OPCML: variants seen among roughly 807,000 people sequenced by gnomAD.
OPCML encodes the protein opioid binding protein/cell adhesion molecule like.
In OPCML, 13 loss-of-function variants were observed where a neutral mutation model predicts 37.8. The observed-to-expected ratio is 0.34, with a 90% CI of 0.22 to 0.55. The LOEUF (loss-of-function observed/expected upper bound fraction) is 0.55. OPCML is among the 20% of genes least tolerant of loss of function. The pLI is 0.91. For missense variants in OPCML, 341 were observed against 435.6 expected (o/e 0.78, Z 1.93); for synonymous variants, 176 against 168.8 (o/e 1.04, Z -0.33).
chr11:133,230,244 A>C (rs1054152290), intron 1 of OPCML, among the ~76,000 whole-genome samples: 1 of 152,190 alleles, frequency 6.6e-6, no homozygotes, highest in Admixed American at 6.5e-5. Context: ...GGAAAGGGGA[A>C]CACTCATCTT....
intron 3 of OPCML, among the ~76,000 whole-genome samples, chr11:132,618,681 TA>T (rs1939186126): frequency 6.6e-6 from 1 of 152,188 alleles, no homozygotes; most frequent in African/African-American, 2.4e-5. Flanking sequence ...AAAATATACA[TA>T]ATATAAAATT....
intron 3 of OPCML, among the ~76,000 whole-genome samples, chr11:132,533,287 C>T (rs902611999): frequency 2.6e-5 from 4 of 152,040 alleles, no homozygotes; most frequent in East Asian, 1.9e-4. Flanking sequence ...TGCACAACTA[C>T]GGTAACTTCA....
chr11:132,450,689 A>G (rs566091722), intron 4 of OPCML, among the ~76,000 whole-genome samples: 4 of 152,302 alleles, frequency 2.6e-5, no homozygotes, highest in East Asian at 3.9e-4. Context: ...AGACAGACAC[A>G]CAAGTGTTAT....
At chr11:133,267,927 ACTT>A (rs1198824013) in intron 1 of OPCML, among the ~76,000 whole-genome samples, 1 of 152,026 alleles carries the variant, frequency 6.6e-6, no homozygotes, top group African/African-American at 2.4e-5. Context: ...AGTCAATTAA[ACTT>A]CTTTTCTTTA....
intron 4 of OPCML, among the ~76,000 whole-genome samples, chr11:132,442,181 G>GTT (rs2096038189): frequency 6.6e-6 from 1 of 152,156 alleles, no homozygotes; most frequent in African/African-American, 2.4e-5. Context: ...ACTCAAAGCA[G>GTT]TTTATATTTT....
intron 3 of OPCML, among the ~76,000 whole-genome samples, chr11:132,641,753 T>C (rs1037718398): frequency 6.6e-6 from 1 of 152,192 alleles, no homozygotes; most frequent in East Asian, 1.9e-4. Context: ...AAAGGAACTT[T>C]GATTTTCCTG....
chr11:132,784,611 A>G (rs1040863867), intron 2 of OPCML, among the ~76,000 whole-genome samples: 1 of 151,998 alleles, frequency 6.6e-6, no homozygotes, highest in African/African-American at 2.4e-5. Flanking sequence ...TCTTATGTTG[A>G]AATGTGACCT....
chr11:133,279,652 T>C (rs145340329), intron 1 of OPCML, among the ~76,000 whole-genome samples: 2,605 of 152,274 alleles, frequency 0.017, 205 homozygotes, highest in Admixed American at 0.13. Context: ...GCCCGGCTGC[T>C]GCTGGTGTCT....
intron 2 of OPCML, among the ~76,000 whole-genome samples, chr11:132,811,696 A>T (rs1448483171): frequency 6.6e-6 from 1 of 152,174 alleles, no homozygotes. Context: ...GCTGCCTTAG[A>T]GTGTCGGCAA....
intron 4 of OPCML, among the ~76,000 whole-genome samples, chr11:132,441,158 C>CTTTTTTGTTT (rs1186948674): frequency 9.3e-6 from 1 of 108,058 alleles, no homozygotes; most frequent in Non-Finnish European, 1.8e-5. Context: ...TCACCAAGGA[C>CTTTTTTGTTT]TTTTTTGTTT....
chr11:132,733,808 C>T (rs1189950575), intron 2 of OPCML, among the ~76,000 whole-genome samples: 1 of 152,090 alleles, frequency 6.6e-6, no homozygotes, highest in African/African-American at 2.4e-5. Context: ...AACTAGCCCA[C>T]GGAGATGCTG....
chr11:133,477,437 T>G (rs1443379243), intron 1 of OPCML, among the ~76,000 whole-genome samples: 1 of 152,192 alleles, frequency 6.6e-6, no homozygotes, highest in East Asian at 1.9e-4. Flanking sequence ...CGATCCTCAG[T>G]GCACTAGAGG....
At chr11:132,993,233 GCTTA>G (rs931463798) in intron 1 of OPCML, among the ~76,000 whole-genome samples, 1 of 152,164 alleles carries the variant, frequency 6.6e-6, no homozygotes, top group African/African-American at 2.4e-5. Context: ...ACATGCATGT[GCTTA>G]CTATGTTTCT....
intron 1 of OPCML, among the ~76,000 whole-genome samples, chr11:133,529,381 A>C (rs1485308275): frequency 6.6e-6 from 1 of 152,130 alleles, no homozygotes; most frequent in Non-Finnish European, 1.5e-5. Flanking sequence ...CTCTCCTCCT[A>C]CTAGAACAAC....
In OPCML at chr11:132,452,583, A is replaced by T. The variant is rs1279536762; in HGVS notation, c.506-15224T>A. On this transcript the variant is annotated intron_variant, in intron 4 of 7. Coordinates refer to ENST00000524381, the MANE Select transcript of OPCML (RefSeq NM_001012393.5). The stretch of plus-strand genomic sequence containing the variant: ...TTCCTTCCTTCCTGCCTGCCTTCCT[A>T]CTTTCCTTCCTTCCTGCCTGCCTTC... Among the ~76,000 whole-genome samples, 34 of 135,970 alleles carry T rather than the reference A, an allele frequency of 2.5e-4. No individual in the cohort carries two copies. In the South Asian group the frequency reaches 7.4e-3, roughly 30 times the overall value. 89.2% of individuals were successfully genotyped at this position (135,970 alleles called of 152,430 possible).
chr11:133,499,787 T>C (rs145655382), intron 1 of OPCML, among the ~76,000 whole-genome samples: 3,609 of 141,482 alleles, frequency 0.026, 161 homozygotes, highest in African/African-American at 0.089. Flanking sequence ...TATATATATA[T>C]ACACATATAT....
At chr11:132,857,350 C>T (rs1942097139) in intron 2 of OPCML, among the ~76,000 whole-genome samples, 1 of 152,130 alleles carries the variant, frequency 6.6e-6, no homozygotes, top group Admixed American at 6.6e-5. Flanking sequence ...TACAGATTCA[C>T]AGTAAGTTGC....
At chr11:132,932,619 C>G (rs1338519691) in intron 2 of OPCML, among the ~76,000 whole-genome samples, 1 of 151,262 alleles carries the variant, frequency 6.6e-6, no homozygotes, top group Non-Finnish European at 1.5e-5. Context: ...AATTCCCACA[C>G]TGCCTAGAAT....
intron 1 of OPCML, among the ~76,000 whole-genome samples, chr11:133,348,415 G>A (rs544653365): frequency 1.3e-5 from 2 of 152,314 alleles, no homozygotes; most frequent in South Asian, 4.1e-4. Context: ...TTGCTTTCCT[G>A]AATGAAGGGA....
Sources: gnomAD v4.1 joint callset for allele counts (sites outside exome capture counted in the v4.1 genomes callset) on GRCh38, gnomAD v4.1.1 for gene constraint, MANE v1.5 for transcripts, NCBI Gene and HGNC (gene_info 2026-07-23, HGNC 2026-07-21) for gene names.